NTN1: variants seen among roughly 807,000 people sequenced by gnomAD.
NTN1 encodes netrin 1.
Under a neutral mutation model 54.2 loss-of-function variants are expected in NTN1, and 11 were observed. The ratio of observed to expected loss-of-function variants is 0.20; its 90% CI spans 0.13 to 0.34. The LOEUF is 0.34. Ranked by LOEUF, NTN1 falls within the 10% of genes least tolerant of loss-of-function variation. The probability of loss-of-function intolerance (pLI) is 1.00; values close to 1 mark genes in which losing one functional copy is unlikely to be tolerated. For missense variants in NTN1, 740 were observed against 893.1 expected, an observed-to-expected ratio of 0.83 and a Z score of 2.18; for synonymous variants, 371 against 382.0, an observed-to-expected ratio of 0.97 and a Z score of 0.33.
chr17:9,011,977 C>T, the NTN1 span, among the ~76,000 whole-genome samples: 2 of 152,114 alleles, frequency 1.3e-5, no homozygotes, highest in Non-Finnish European at 2.9e-5. Context: ...ATTTGTAGTG[C>T]ACTCCTATTT....
chr17:9,020,366 G>T (rs927743280), upstream of NTN1, among the ~76,000 whole-genome samples: 2 of 152,266 alleles, frequency 1.3e-5, no homozygotes, highest in African/African-American at 4.8e-5. Flanking sequence ...GTTGCAAGAT[G>T]ACCAAAGGAT....
At chr17:9,074,348 G>A (rs992606582) in intron 2 of NTN1, among the ~76,000 whole-genome samples, 24 of 152,192 alleles carry the variant, frequency 1.6e-4, no homozygotes, top group African/African-American at 5.1e-4. Flanking sequence ...CTCTCTGCGC[G>A]TGGCCTTGGG....
At chr17:9,233,212 A>C (rs1298901019) in intron 6 of NTN1, among the ~76,000 whole-genome samples, 1 of 152,014 alleles carries the variant, frequency 6.6e-6, no homozygotes, top group African/African-American at 2.4e-5. Context: ...TGTCCCACAC[A>C]CTTAGGCCTT....
intron 6 of NTN1, among the ~76,000 whole-genome samples, chr17:9,225,995 C>T (rs1905527384): frequency 6.6e-6 from 1 of 152,148 alleles, no homozygotes; most frequent in South Asian, 2.1e-4. Context: ...CGGACCTGGG[C>T]AGCGGCCAGA....
intron 5 of NTN1, among the ~76,000 whole-genome samples, chr17:9,197,676 AGG>A (rs1904675398): frequency 1.3e-5 from 2 of 150,394 alleles, no homozygotes; most frequent in East Asian, 3.9e-4. Flanking sequence ...AAAAAAAAGA[AGG>A]AAGAAAAAGA....
Position 9,023,147 on chromosome 17 carries a change from C to T in NTN1, c.774C>T (p.Gly258=). Reference sequence around the variant, plus strand: ...CCTTCAGCCGCCTGCACACGTTCGGCGACGAGAACGAGGACGACTCGGAGC... The same window carrying T: ...CCTTCAGCCGCCTGCACACGTTCGGTGACGAGAACGAGGACGACTCGGAGC... ...RVAFSRLHTF[G]DENEDDSELA... The change falls in exon 2 of 7, where the codon GGC becomes GGT. Residue 258 remains glycine (G), a synonymous_variant. Coordinates refer to ENST00000173229, the MANE Select transcript of NTN1 (RefSeq NM_004822.3). The T allele has an allele frequency of 6.4e-7, 1 of 1,563,772 alleles. No individual in the cohort carries two copies. Among genetic ancestry groups the T allele is most frequent in the Non-Finnish European group, 8.7e-7 (1 of 1,152,922 alleles).
rs545619043 is a variant in NTN1 at position 9,095,949 on chromosome 17, G to A, written c.1019-66864G>A. ...CGAGTAGCTGGGATTACAGGTGTGTGTCACCACACCTGATTTTTGTATTTT... is the reference window on the plus strand; with the variant it reads ...CGAGTAGCTGGGATTACAGGTGTGTATCACCACACCTGATTTTTGTATTTT... On this transcript the variant is annotated intron_variant, in intron 2 of 6. Coordinates refer to ENST00000173229, the MANE Select transcript of NTN1 (RefSeq NM_004822.3). Among the ~76,000 whole-genome samples the A allele has an allele frequency of 1.2e-3, 178 of 152,064 alleles. 1 individual carries two copies. The highest frequency in any genetic ancestry group is 1.7e-3 in the Non-Finnish European group (117 of 67,984).
At chr17:9,120,313 G>A (rs1162362243) in intron 2 of NTN1, among the ~76,000 whole-genome samples, 1 of 150,338 alleles carries the variant, frequency 6.7e-6, no homozygotes, top group African/African-American at 2.5e-5. Context: ...GTGCCTGGAA[G>A]GAGTGCCTTG....
intron 2 of NTN1, among the ~76,000 whole-genome samples, chr17:9,136,035 C>T (rs2092280031): frequency 2.0e-5 from 3 of 152,218 alleles, no homozygotes; most frequent in Admixed American, 2.0e-4. Flanking sequence ...TCCTCGTGTC[C>T]CCCTGGTGCG....
In NTN1 at chr17:9,022,523, C is replaced by G; in HGVS notation, c.150C>G (p.Arg50=). Residue 50 remains arginine, a synonymous_variant, in exon 2 of 7, where the codon CGC becomes CGG. Coordinates refer to ENST00000173229, the MANE Select transcript of NTN1 (RefSeq NM_004822.3). The stretch of plus-strand genomic sequence containing the variant: ...CGGACGAGAACGGCCACCCGCGCCG[C>G]TGCATCCCGGACTTTGTCAATGCGG... ...PCSDENGHPR[R]CIPDFVNAAF... 6.5e-7 allele frequency: 1 copy of G among 1,549,644 alleles called. No homozygotes were observed. Among genetic ancestry groups the G allele is most frequent in the Non-Finnish European group, 8.7e-7 (1 of 1,150,642 alleles).
intron 3 of NTN1, among the ~76,000 whole-genome samples, chr17:9,163,473 C>G (rs1405063926): frequency 5.7e-5 from 6 of 104,526 alleles, no homozygotes; most frequent in Admixed American, 3.7e-4. Context: ...TCACTCCCCC[C>G]CGAAACACAC....
intron 2 of NTN1, among the ~76,000 whole-genome samples, chr17:9,089,488 A>G (rs1239159960): frequency 1.3e-5 from 2 of 152,074 alleles, no homozygotes; most frequent in Admixed American, 6.6e-5. Flanking sequence ...TGTTAAACAC[A>G]TTAGAGCAAT....
chr17:9,184,022 T>C (rs898258601), intron 5 of NTN1, among the ~76,000 whole-genome samples: 1 of 152,306 alleles, frequency 6.6e-6, no homozygotes, highest in African/African-American at 2.4e-5. Context: ...TGCTGGGGAC[T>C]CTTTGCCTCC....
chr17:9,183,118 T>A, intron 5 of NTN1, 149 bp downstream of exon 5: 2 of 792,720 alleles, frequency 2.5e-6, no homozygotes, highest in Non-Finnish European at 4.4e-6. Context: ...TGGGTTGCAT[T>A]GAAGAAGCTG....
intron 2 of NTN1, among the ~76,000 whole-genome samples, chr17:9,119,973 A>G: frequency 6.6e-6 from 1 of 151,944 alleles, no homozygotes; most frequent in Non-Finnish European, 1.5e-5. Context: ...TTTAATTGAC[A>G]AGTTAGTTCT....
chr17:9,049,903 T>C (rs1163085824), intron 2 of NTN1, among the ~76,000 whole-genome samples: 1 of 152,204 alleles, frequency 6.6e-6, no homozygotes, highest in Non-Finnish European at 1.5e-5. Flanking sequence ...AGAAATTTGT[T>C]GTACCATTCT....
intron 2 of NTN1, among the ~76,000 whole-genome samples, chr17:9,083,300 T>C (rs1197689307): frequency 6.6e-6 from 1 of 152,208 alleles, no homozygotes; most frequent in Non-Finnish European, 1.5e-5. Context: ...TTCACCATGT[T>C]GGCCAGGCTG....
intron 6 of NTN1, among the ~76,000 whole-genome samples, chr17:9,230,404 T>C (rs565071265): frequency 6.6e-6 from 1 of 151,652 alleles, no homozygotes; most frequent in East Asian, 2.0e-4. Context: ...TTCCCTGGGG[T>C]CACCGGCCCC....
At chr17:9,092,099 AG>A (rs1369087864) in intron 2 of NTN1, among the ~76,000 whole-genome samples, 2 of 151,788 alleles carry the variant, frequency 1.3e-5, no homozygotes, top group Non-Finnish European at 2.9e-5. Flanking sequence ...CATGTTGGCC[AG>A]GCTGGTCTCA....
Sources: gnomAD v4.1 joint callset for allele counts (sites outside exome capture counted in the v4.1 genomes callset) on GRCh38, gnomAD v4.1.1 for gene constraint, MANE v1.5 for transcripts, NCBI Gene and HGNC (gene_info 2026-07-23, HGNC 2026-07-21) for gene names.